The following IL12RB1 variants were observed in gnomAD, a reference collection of about 807,000 sequenced individuals.
The protein encoded by IL12RB1 is interleukin-12 receptor subunit beta-1.
IL12RB1 carries 64 observed loss-of-function variants against 94.4 expected under a neutral mutation model. The ratio of observed to expected loss-of-function variants is 0.68; its 90% CI spans 0.55 to 0.83. The LOEUF is 0.83. Among genes scored for constraint, IL12RB1 ranks in the 40% least tolerant of loss-of-function variants. IL12RB1 has a pLI of 0.00. For missense variants in IL12RB1, 814 were observed against 855.6 expected (o/e 0.95, Z 0.61); for synonymous variants, 362 against 355.5 (o/e 1.02, Z -0.21).
chr19:18,068,341 T>C, intron 11 of IL12RB1, 48 bp downstream of exon 11: 1 of 1,479,722 alleles, frequency 6.8e-7, no homozygotes, highest in East Asian at 2.5e-5. Context: ...TTTTTTAAAT[T>C]ATTTAAAAAG....
chr19:18,086,791 G>T lies in IL12RB1; in HGVS notation c.33C>A (p.Leu11=). The change falls in exon 1 of 17, where the codon CTC becomes CTA. Residue 11 remains leucine (L), a synonymous_variant. Coordinates refer to ENST00000593993, the MANE Select transcript of IL12RB1 (RefSeq NM_005535.3). The part of the protein sequence containing the change: MEPLVTWVVP[L]LFLFLLSRQG... ...GCCTGGACAGCAGGAAGAGGAAGAGGAGGGGGACCACCCAGGTCACCAGCG... is the reference window on the plus strand; with the variant it reads ...GCCTGGACAGCAGGAAGAGGAAGAGTAGGGGGACCACCCAGGTCACCAGCG... 6.2e-7 allele frequency: 1 copy of T among 1,612,170 alleles called. No homozygotes were observed. The highest frequency in any genetic ancestry group is 8.5e-7 in the Non-Finnish European group (1 of 1,179,546).
chr19:18,065,003 A>C (rs548483237), intron 12 of IL12RB1, among the ~76,000 whole-genome samples: 1 of 152,314 alleles, frequency 6.6e-6, no homozygotes, highest in Admixed American at 6.5e-5. Context: ...TACTACCTTC[A>C]TCCTAGATAT....
At position 18,073,565 on chromosome 19, in the gene IL12RB1, C is replaced by A; in HGVS notation, c.735G>T (p.Val245=). 6.2e-7 allele frequency: 1 copy of A among 1,613,122 alleles called. No individual in the cohort carries two copies. The highest frequency in any genetic ancestry group is 8.5e-7 in the Non-Finnish European group (1 of 1,179,158). ...TCCTCCCATCCTGGCCCAGCTGCTC[C>A]ACCGAGAATCTCACCTGAGGCTGTG... The part of the protein sequence containing the change: ...NPPQPQVRFS[V]EQLGQDGRRR... Residue 245 remains valine (V), a synonymous_variant, in exon 8 of 17, where the codon GTG becomes GTT. Coordinates refer to ENST00000593993, the MANE Select transcript of IL12RB1 (RefSeq NM_005535.3).
chr19:18,090,432 C>T (rs2036580809), upstream of IL12RB1, among the ~76,000 whole-genome samples: 1 of 152,126 alleles, frequency 6.6e-6, no homozygotes, highest in Non-Finnish European at 1.5e-5. Context: ...CTCCCAACTC[C>T]ACCAATTCCT....
rs185317512 is a variant in IL12RB1 at position 18,072,002 on chromosome 19, T to G, written c.1021+110A>C. ...TTTGATACACCCCTAAATCAGGCAC[T>G]CCTTTAAAATTTTCTGCCTCGCTCC... On this transcript the variant is annotated intron_variant, in intron 9 of 16. Coordinates refer to ENST00000593993, the MANE Select transcript of IL12RB1 (RefSeq NM_005535.3). The G allele has an allele frequency of 2.0e-5, 15 of 766,908 alleles. No homozygotes were observed. The African/African-American group carries it at 2.0e-4, about 10-fold the overall frequency. 47.5% of individuals were successfully genotyped at this position (766,908 alleles called of 1,614,324 possible).
At chr19:18,075,625 G>T in intron 7 of IL12RB1, 124 bp downstream of exon 7, 1 of 851,736 alleles carries the variant, frequency 1.2e-6, no homozygotes, top group Non-Finnish European at 2.0e-6. Flanking sequence ...TCAAACCACT[G>T]GCCTCAAGTG....
intron 9 of IL12RB1, 67 bp downstream of exon 9, chr19:18,072,045 T>G: frequency 9.2e-7 from 1 of 1,091,688 alleles, no homozygotes; most frequent in Non-Finnish European, 1.4e-6. Flanking sequence ...CTGGTCTAGC[T>G]GAGGCTCAGA....
At position 18,086,816 on chromosome 19, in the gene IL12RB1, G is replaced by A. The variant is rs17884651; in HGVS notation, c.8C>T (p.Pro3Leu). ...GAGGGGGACCACCCAGGTCACCAGC[G>A]GCTCCATCGGATCCACGTAGAGCCC... The part of the protein sequence containing the change: ME[P>L]LVTWVVPLLF... The change falls in exon 1 of 17, where the codon CCG (proline) becomes CTG (leucine). Residue 3 changes from proline (P) to leucine (L), a missense_variant. Pro to Leu is a moderately conservative substitution (Grantham distance 98). Transcript: ENST00000593993. 90 of 1,610,924 alleles carry A rather than the reference G, an allele frequency of 5.6e-5. No individual in the cohort carries two copies. The East Asian group carries it at 1.6e-3, about 29-fold the overall frequency.
Position 18,069,720 on chromosome 19 carries a change from GGA to G in IL12RB1, c.1022-9_1022-8del. On this transcript the variant is annotated splice_region_variant and splice_polypyrimidine_tract_variant and intron_variant, in intron 9 of 16. Transcript: ENST00000593993. ...ATATTCAGAGCCACTGGTTCTGGAA[GGA>G]GAGGGGAGAGACGCATCGAGACAGT... is the stretch of plus-strand genomic sequence containing the variant. The G allele has an allele frequency of 6.2e-7, 1 of 1,601,908 alleles. No individual in the cohort carries two copies. Among genetic ancestry groups the G allele is most frequent in the Non-Finnish European group, 8.5e-7 (1 of 1,170,162 alleles).
intron 10 of IL12RB1, among the ~76,000 whole-genome samples, chr19:18,069,058 C>G (rs1432030277): frequency 6.6e-6 from 1 of 152,062 alleles, no homozygotes; most frequent in Non-Finnish European, 1.5e-5. Context: ...ACAATGGGGT[C>G]AGGGGTTCCG....
chr19:18,088,489 A>C (rs2036482128), upstream of IL12RB1, among the ~76,000 whole-genome samples: 1 of 150,852 alleles, frequency 6.6e-6, no homozygotes. Context: ...GCTTGAACCC[A>C]GGAGGTTGAG....
At chr19:18,097,400 T>C (rs1410239799) in intron 1 of IL12RB1, among the ~76,000 whole-genome samples, 2 of 152,092 alleles carry the variant, frequency 1.3e-5, no homozygotes, top group Non-Finnish European at 2.9e-5. Flanking sequence ...GGTTTCACCA[T>C]GTTGGCCAGG....
chr19:18,092,140 G>A (rs909981163), intron 1 of IL12RB1, among the ~76,000 whole-genome samples: 7 of 150,822 alleles, frequency 4.6e-5, no homozygotes, highest in African/African-American at 1.5e-4. Flanking sequence ...GCCTCCCAAA[G>A]GGCTGGGATT....
At chr19:18,097,623 AGGGGCGGGGCCAGCTCGCCCAGTG>A (rs1032424520) in intron 1 of IL12RB1, among the ~76,000 whole-genome samples, 9 of 151,382 alleles carry the variant, frequency 5.9e-5, no homozygotes, top group East Asian at 1.9e-4. Flanking sequence ...GCTCTGCTGG[AGGGGCGGGGCCAGCTCGCCCAGTG>A]GGGGCGGGGC....
At chr19:18,081,432 C>T (rs1447011995) in intron 3 of IL12RB1, among the ~76,000 whole-genome samples, 3 of 151,970 alleles carry the variant, frequency 2.0e-5, no homozygotes, top group African/African-American at 7.2e-5. Flanking sequence ...CACCTCCTCC[C>T]CCAGCCTGGG....
intron 1 of IL12RB1, 23 bp from the exon 2 acceptor site, chr19:18,083,514 A>G (rs567055787): frequency 6.2e-7 from 1 of 1,612,706 alleles, no homozygotes; most frequent in Non-Finnish European, 8.5e-7. Context: ...TGAAGACATA[A>G]TGACATTCCT....
Position 18,060,103 on chromosome 19 carries a change from G to A in IL12RB1, c.1792-18C>T, listed in dbSNP as rs770301066. ...TGCCAAGTCTGCAGAGGGAGGGTAGGGCCACAGCTGTGAGCAGAGCTCTAC... is the reference window on the plus strand; with the variant it reads ...TGCCAAGTCTGCAGAGGGAGGGTAGAGCCACAGCTGTGAGCAGAGCTCTAC... On this transcript the variant is annotated intron_variant, in intron 15 of 16. Transcript: ENST00000593993. 6.9e-7 allele frequency: 1 copy of A among 1,457,736 alleles called. No individual in the cohort carries two copies. Among genetic ancestry groups the A allele is most frequent in the Non-Finnish European group, 9.6e-7 (1 of 1,042,638 alleles). The allele number at this position is 1,457,736 out of a possible 1,614,324, so 90.3% of individuals were successfully genotyped here.
chr19:18,096,836 A>T (rs938227841), intron 1 of IL12RB1, among the ~76,000 whole-genome samples: 2,021 of 129,462 alleles, frequency 0.016, 63 homozygotes, highest in African/African-American at 0.082. Flanking sequence ...ATAAATTAAA[A>T]AAAAAAAAAA....
At chr19:18,066,326 T>C (rs990494264) in intron 12 of IL12RB1, among the ~76,000 whole-genome samples, 5 of 152,066 alleles carry the variant, frequency 3.3e-5, no homozygotes, top group African/African-American at 1.2e-4. Context: ...AGGCTGGTCT[T>C]GAACTCCTGA....
Sources: allele counts gnomAD v4.1 joint callset (sites outside exome capture counted in the v4.1 genomes callset), GRCh38; gene constraint gnomAD v4.1.1; transcripts MANE v1.5; gene names NCBI Gene and HGNC (gene_info 2026-07-23, HGNC 2026-07-21).